MECOM: variants seen among roughly 807,000 people sequenced by gnomAD.
The protein encoded by MECOM is histone-lysine N-methyltransferase MECOM.
MECOM carries 13 observed loss-of-function variants against 116.3 expected under a neutral mutation model. That is an observed-to-expected ratio of 0.11 (90% CI 0.07 to 0.18). The LOEUF (loss-of-function observed/expected upper bound fraction) is 0.18. Ranked by LOEUF, MECOM falls within the 10% of genes least tolerant of loss-of-function variation. MECOM has a pLI of 1.00. For synonymous variants in MECOM, 528 were observed against 535.2 expected, an observed-to-expected ratio of 0.99 and a Z score of 0.19; for missense variants, 1,299 against 1,509.0, an observed-to-expected ratio of 0.86 and a Z score of 2.31.
intron 1 of MECOM, among the ~76,000 whole-genome samples, chr3:169,625,401 C>A (rs1771245675): frequency 2.0e-5 from 3 of 152,160 alleles, no homozygotes; most frequent in African/African-American, 7.2e-5. Flanking sequence ...CAACAGTTTT[C>A]TCTTTTTGCC....
intron 2 of MECOM, among the ~76,000 whole-genome samples, chr3:169,336,354 A>C (rs1407415317): frequency 6.6e-6 from 1 of 152,088 alleles, no homozygotes; most frequent in African/African-American, 2.4e-5. Context: ...CTCATCAAAT[A>C]AAAGCTCACC....
rs561616608 is a variant in MECOM at position 169,240,928 on chromosome 3, T to C, written c.376-97096A>G. Among the ~76,000 whole-genome samples the C allele has an allele frequency of 2.0e-5, 3 of 152,306 alleles. No individual in the cohort carries two copies. In the East Asian group the frequency reaches 5.8e-4, roughly 29 times the overall value. On this transcript the variant is annotated intron_variant, in intron 2 of 16. Coordinates refer to ENST00000651503, the MANE Select transcript of MECOM (RefSeq NM_004991.4). ...AAGCACAAACAGCACAATGAAATTG[T>C]AATGCCCTCTCCGTGTGGACCTGGA...
At chr3:169,285,628 C>G (rs1419947569) in intron 2 of MECOM, among the ~76,000 whole-genome samples, 1 of 152,166 alleles carries the variant, frequency 6.6e-6, no homozygotes, top group Admixed American at 6.5e-5. Flanking sequence ...CCAAGGAAAC[C>G]TCCACTCAAA....
chr3:169,214,485 C>T (rs951778725), intron 2 of MECOM, among the ~76,000 whole-genome samples: 5 of 149,528 alleles, frequency 3.3e-5, no homozygotes, highest in Non-Finnish European at 5.9e-5. Context: ...AAAACAAATT[C>T]GTAAATCATT....
chr3:169,632,182 T>TCG (rs1772174605), intron 1 of MECOM, among the ~76,000 whole-genome samples: 1 of 136,450 alleles, frequency 7.3e-6, no homozygotes, highest in African/African-American at 2.7e-5. Context: ...AGAAGCATTC[T>TCG]GGAGAGAAAT....
intron 1 of MECOM, among the ~76,000 whole-genome samples, chr3:169,403,218 C>T (rs904232410): frequency 6.6e-6 from 1 of 152,290 alleles, no homozygotes; most frequent in South Asian, 2.1e-4. Flanking sequence ...AGCCTATGTG[C>T]CTTCTTCCCC....
chr3:169,258,562 TTCTTGGCTCCTTTC>T (rs1381214251), intron 2 of MECOM, among the ~76,000 whole-genome samples: 1 of 152,216 alleles, frequency 6.6e-6, no homozygotes, highest in Non-Finnish European at 1.5e-5. Context: ...CATCAAACTC[TTCTTGGCTCCTTTC>T]TCTGACCTCT....
chr3:169,230,900 A>T (rs1753312369), intron 2 of MECOM, among the ~76,000 whole-genome samples: 1 of 152,172 alleles, frequency 6.6e-6, no homozygotes, highest in African/African-American at 2.4e-5. Context: ...CTTTATCATA[A>T]CTTTGTTATT....
chr3:169,485,989 A>T (rs1203605896), intron 1 of MECOM, among the ~76,000 whole-genome samples: 1 of 95,564 alleles, frequency 1.0e-5, no homozygotes, highest in Non-Finnish European at 2.0e-5. Flanking sequence ...TATATAGTAT[A>T]TATATGTATA....
chr3:169,397,474 T>A (rs186455920), intron 1 of MECOM, among the ~76,000 whole-genome samples: 1 of 152,324 alleles, frequency 6.6e-6, no homozygotes, highest in Non-Finnish European at 1.5e-5. Context: ...TCCCTATATC[T>A]TGGATAAGGC....
intron 1 of MECOM, among the ~76,000 whole-genome samples, chr3:169,652,753 C>A (rs1442738188): frequency 6.6e-6 from 1 of 152,118 alleles, no homozygotes; most frequent in Non-Finnish European, 1.5e-5. Flanking sequence ...AATCTTTAAT[C>A]ATAAAAGTGC....
chr3:169,573,239 C>T (rs1342822796), intron 1 of MECOM, among the ~76,000 whole-genome samples: 6 of 152,108 alleles, frequency 3.9e-5, no homozygotes, highest in Non-Finnish European at 7.4e-5. Flanking sequence ...AAAAGGCGAA[C>T]GAATGAAACT....
At chr3:169,159,384 C>G (rs548493963) in intron 2 of MECOM, among the ~76,000 whole-genome samples, 7 of 152,062 alleles carry the variant, frequency 4.6e-5, no homozygotes, top group African/African-American at 1.7e-4. Flanking sequence ...ATAGTGAAAC[C>G]CTGTCTCTAC....
chr3:169,607,609 C>T lies in MECOM; in HGVS notation c.37+55727G>A, dbSNP rs113601407. Among the ~76,000 whole-genome samples the T allele has an allele frequency of 5.3e-3, 807 of 152,312 alleles. 3 individuals are homozygous for T. The highest frequency in any genetic ancestry group is 0.041 in the Middle Eastern group (12 of 294). On this transcript the variant is annotated intron_variant, in intron 1 of 16. Coordinates refer to ENST00000651503, the MANE Select transcript of MECOM (RefSeq NM_004991.4). ...GAATGACTTTCTTGTTATTGAATAT[C>T]CATAATAAGCTGGCATGGAACAATC...
At chr3:169,154,728 G>T (rs889502007) in intron 2 of MECOM, among the ~76,000 whole-genome samples, 5 of 152,058 alleles carry the variant, frequency 3.3e-5, no homozygotes, top group African/African-American at 9.7e-5. Context: ...ATCATGAAGA[G>T]GATATAGGAT....
chr3:169,130,962 A>G (rs1734501324), intron 4 of MECOM, among the ~76,000 whole-genome samples: 1 of 151,948 alleles, frequency 6.6e-6, no homozygotes, highest in African/African-American at 2.4e-5. Context: ...TCATCTATAC[A>G]TTTTTCCCAA....
intron 2 of MECOM, among the ~76,000 whole-genome samples, chr3:169,309,588 A>C (rs1240048630): frequency 6.6e-6 from 1 of 152,214 alleles, no homozygotes; most frequent in Admixed American, 6.5e-5. Context: ...TTCATTACAA[A>C]TACTCTCATT....
chr3:169,434,229 A>T (rs1214664532), intron 1 of MECOM, among the ~76,000 whole-genome samples: 1 of 152,208 alleles, frequency 6.6e-6, no homozygotes, highest in Admixed American at 6.5e-5. Flanking sequence ...GGGGAAAATA[A>T]GCATACTTTA....
At chr3:169,148,494 T>A (rs921527284) in intron 2 of MECOM, among the ~76,000 whole-genome samples, 1 of 152,168 alleles carries the variant, frequency 6.6e-6, no homozygotes, top group African/African-American at 2.4e-5. Context: ...ATTTAGTAAA[T>A]CCCACTGGCT....
Sources: gnomAD v4.1 joint callset for allele counts (sites outside exome capture counted in the v4.1 genomes callset) on GRCh38, gnomAD v4.1.1 for gene constraint, MANE v1.5 for transcripts, NCBI Gene and HGNC (gene_info 2026-07-23, HGNC 2026-07-21) for gene names.